The following RBFOX1 variants were observed in gnomAD, a reference collection of about 807,000 sequenced individuals.
RBFOX1 encodes RNA binding fox-1 homolog 1.
RBFOX1 carries 8 observed loss-of-function variants against 57.7 expected under a neutral mutation model. The observed-to-expected ratio is 0.14, with a 90% CI of 0.08 to 0.25. The LOEUF is 0.25. Ranked by LOEUF, RBFOX1 falls within the 10% of genes least tolerant of loss-of-function variation. RBFOX1 has a pLI of 1.00. For missense variants in RBFOX1, 611 were observed against 548.5 expected (o/e 1.11, Z -1.14); for synonymous variants, 326 against 222.4 (o/e 1.47, Z -4.15).
At chr16:7,144,624 T>G (rs1050051083) in intron 4 of RBFOX1, among the ~76,000 whole-genome samples, 3 of 152,000 alleles carry the variant, frequency 2.0e-5, no homozygotes, top group Non-Finnish European at 4.4e-5. Flanking sequence ...TCTGAACATT[T>G]AGTGATGCCA....
intron 4 of RBFOX1, among the ~76,000 whole-genome samples, chr16:7,492,324 G>T (rs1480113211): frequency 1.3e-5 from 2 of 152,016 alleles, no homozygotes; most frequent in African/African-American, 2.4e-5. Context: ...AAAAAAATGG[G>T]GGTCAACTTT....
intron 2 of RBFOX1, 137 bp downstream of exon 2, chr16:6,317,194 C>T (rs1280382863): frequency 2.5e-6 from 2 of 788,980 alleles, no homozygotes; most frequent in Non-Finnish European, 2.0e-6. Flanking sequence ...TTCTCTTCTG[C>T]CCTATTGTAT....
chr16:7,349,500 G>T (rs910091395), intron 4 of RBFOX1, among the ~76,000 whole-genome samples: 9 of 151,488 alleles, frequency 5.9e-5, no homozygotes, highest in African/African-American at 2.2e-4. Context: ...GCCAGTCCTT[G>T]TCAGAATGTG....
At chr16:7,069,343 C>T (rs1279430156) in intron 4 of RBFOX1, among the ~76,000 whole-genome samples, 1 of 152,124 alleles carries the variant, frequency 6.6e-6, no homozygotes, top group Non-Finnish European at 1.5e-5. Flanking sequence ...CCCTAATGCT[C>T]TCCCTCCCAT....
intron 4 of RBFOX1, among the ~76,000 whole-genome samples, chr16:7,155,060 T>C (rs1009781429): frequency 2.0e-5 from 3 of 152,142 alleles, no homozygotes; most frequent in Non-Finnish European, 2.9e-5. Flanking sequence ...GGGCATCTTA[T>C]GTGTGTGTGT....
intron 4 of RBFOX1, among the ~76,000 whole-genome samples, chr16:7,326,307 A>C (rs1230999672): frequency 1.3e-5 from 2 of 152,168 alleles, no homozygotes; most frequent in African/African-American, 2.4e-5. Flanking sequence ...TCTCAGCCCC[A>C]TAGATCACGA....
chr16:5,539,720 C>G (rs1306633178), intron 2 of RBFOX1, among the ~76,000 whole-genome samples: 1 of 152,154 alleles, frequency 6.6e-6, no homozygotes, highest in African/African-American at 2.4e-5. Flanking sequence ...TTTCATCTCC[C>G]TCCCCCACAC....
chr16:7,276,164 T>C (rs946945426), intron 4 of RBFOX1, among the ~76,000 whole-genome samples: 15 of 152,222 alleles, frequency 9.9e-5, no homozygotes, highest in Non-Finnish European at 2.1e-4. Context: ...AAATACCCCT[T>C]GGAAGGACCA....
intron 3 of RBFOX1, among the ~76,000 whole-genome samples, chr16:5,715,268 G>A (rs528659906): frequency 3.3e-5 from 5 of 152,242 alleles, no homozygotes; most frequent in Admixed American, 2.0e-4. Context: ...TTACAGAGAA[G>A]CTCTACCTTG....
intron 4 of RBFOX1, among the ~76,000 whole-genome samples, chr16:7,140,277 T>TC (rs1262680550): frequency 4.7e-5 from 7 of 147,848 alleles, no homozygotes; most frequent in African/African-American, 1.7e-4. Context: ...TTTTTTTTTT[T>TC]TTTTTTTTTT....
intron 3 of RBFOX1, among the ~76,000 whole-genome samples, chr16:7,023,594 A>AAAAAAAAAAAAAAAAAAAAAG (rs2039981049): frequency 6.8e-6 from 1 of 146,738 alleles, no homozygotes; most frequent in Admixed American, 6.8e-5. Flanking sequence ...AAAAAAAAAA[A>AAAAAAAAAAAAAAAAAAAAAG]TTAGCTTGCC....
At chr16:6,121,786 C>A (rs2096551718) in intron 1 of RBFOX1, among the ~76,000 whole-genome samples, 1 of 152,162 alleles carries the variant, frequency 6.6e-6, no homozygotes, top group African/African-American at 2.4e-5. Flanking sequence ...CTGTTTCCTC[C>A]TCTGTAAAAG....
chr16:6,772,435 T>C (rs1256139622), intron 3 of RBFOX1, among the ~76,000 whole-genome samples: 3 of 151,968 alleles, frequency 2.0e-5, no homozygotes, highest in African/African-American at 7.3e-5. Flanking sequence ...CGTGTGTGTG[T>C]GTGTGTGTAT....
At chr16:6,901,771 TAGATG>T (rs1382528526) in intron 3 of RBFOX1, among the ~76,000 whole-genome samples, 19 of 152,162 alleles carry the variant, frequency 1.2e-4, no homozygotes, top group African/African-American at 4.3e-4. Flanking sequence ...TTAACACTCA[TAGATG>T]AGATGGATTG....
At chr16:5,770,857 G>A (rs937222326) in intron 3 of RBFOX1, among the ~76,000 whole-genome samples, 7 of 152,152 alleles carry the variant, frequency 4.6e-5, no homozygotes, top group East Asian at 3.9e-4. Context: ...AGTTGATCAC[G>A]GCACTCTTTT....
At chr16:7,634,384 G>T (rs34046403) in intron 11 of RBFOX1, among the ~76,000 whole-genome samples, 59,220 of 148,472 alleles carry the variant, frequency 0.4, 12,272 homozygotes, top group East Asian at 0.66. Context: ...GGCCTTTGAT[G>T]TTTGTTTTTT....
At chr16:7,435,584 A>G (rs780998548) in intron 4 of RBFOX1, among the ~76,000 whole-genome samples, 6 of 152,336 alleles carry the variant, frequency 3.9e-5, no homozygotes, top group African/African-American at 9.6e-5. Context: ...GCTTTTCAGC[A>G]GGACCTGGGT....
intron 2 of RBFOX1, among the ~76,000 whole-genome samples, chr16:6,584,223 T>G (rs2097574740): frequency 6.6e-6 from 1 of 151,764 alleles, no homozygotes; most frequent in Non-Finnish European, 1.5e-5. Context: ...AGATGAAGTT[T>G]TAGGGCCCAT....
chr16:5,739,989 C>G (rs572943920), intron 3 of RBFOX1, among the ~76,000 whole-genome samples: 1 of 152,188 alleles, frequency 6.6e-6, no homozygotes, highest in African/African-American at 2.4e-5. Flanking sequence ...GGGGAGGGAT[C>G]AGTGTGGCCA....
Sources: gnomAD v4.1 joint callset for allele counts (sites outside exome capture counted in the v4.1 genomes callset) on GRCh38, gnomAD v4.1.1 for gene constraint, MANE v1.5 for transcripts, NCBI Gene and HGNC (gene_info 2026-07-23, HGNC 2026-07-21) for gene names.